Variants in LAMA3 observed in about 807,000 individuals in gnomAD.
LAMA3 encodes the protein laminin subunit alpha 3.
In LAMA3, 281 loss-of-function variants were observed where a neutral mutation model predicts 402.0. The observed-to-expected ratio is 0.70, with a 90% CI of 0.63 to 0.77. LAMA3 has a LOEUF of 0.77. LAMA3 is among the 30% of genes least tolerant of loss of function. The pLI, the probability that LAMA3 is intolerant of heterozygous loss-of-function variation, is 0.00. For synonymous variants in LAMA3, 1,431 were observed against 1,558.4 expected, an observed-to-expected ratio of 0.92 and a Z score of 1.93; for missense variants, 3,840 against 4,215.5, an observed-to-expected ratio of 0.91 and a Z score of 2.47.
chr18:23,692,079 C>G (rs749529763), intron 1 of LAMA3, among the ~76,000 whole-genome samples: 2 of 152,176 alleles, frequency 1.3e-5, no homozygotes, highest in African/African-American at 4.8e-5. Flanking sequence ...AGGGGCCCTT[C>G]GAAGTGAGAG....
rs2080799946 is a variant in LAMA3 at position 23,894,344 on chromosome 18, T to C, written c.5457T>C (p.Cys1819=). ...AAGATAGCAGCCCTGCAGAAGAATG[T>C]GATGGTGAGAAAAGAAAGCCCCTCC... is the stretch of plus-strand genomic sequence containing the variant. ...EPKDSSPAEE[C]DDCDSCVMTL... is the part of the protein sequence containing the mutation. The change falls in exon 43 of 75, where the codon TGT becomes TGC. Residue 1819 remains cysteine, a synonymous_variant. Transcript: ENST00000313654. 2 of 1,613,218 alleles carry C rather than the reference T, an allele frequency of 1.2e-6. No individual in the cohort carries two copies. The highest frequency in any genetic ancestry group is 2.7e-5 in the African/African-American group (2 of 74,900).
At chr18:23,803,258 G>T (rs917969857) in intron 12 of LAMA3, among the ~76,000 whole-genome samples, 2 of 152,182 alleles carry the variant, frequency 1.3e-5, no homozygotes. Context: ...GTAGCCAGCT[G>T]ATTACCCTGG....
intron 2 of LAMA3, among the ~76,000 whole-genome samples, chr18:23,727,309 GAT>G (rs1491086584): frequency 0.074 from 2,254 of 30,272 alleles, 48 homozygotes; most frequent in African/African-American, 0.17. Context: ...GTCCTTGTTT[GAT>G]TGATTGATTG....
chr18:23,832,456 A>T (rs1341762890), intron 23 of LAMA3, among the ~76,000 whole-genome samples: 1 of 152,240 alleles, frequency 6.6e-6, no homozygotes, highest in African/African-American at 2.4e-5. Flanking sequence ...ACCAAATGTG[A>T]ATTTCCTAAG....
intron 1 of LAMA3, chr18:23,709,946 C>T (rs1002037521): frequency 9.7e-6 from 7 of 721,984 alleles, no homozygotes; most frequent in African/African-American, 1.8e-5. Flanking sequence ...TGTCATAGAG[C>T]TTCTTCACAG....
chr18:23,811,882 A>AT (rs201586931), intron 13 of LAMA3, among the ~76,000 whole-genome samples: 4,420 of 150,326 alleles, frequency 0.029, 208 homozygotes, highest in African/African-American at 0.1. Flanking sequence ...ATTTTATTTT[A>AT]TTTTTTTTTG....
intron 8 of LAMA3, among the ~76,000 whole-genome samples, chr18:23,770,003 TAAAG>T (rs1436639911): frequency 2.0e-5 from 3 of 152,112 alleles, no homozygotes; most frequent in Admixed American, 2.0e-4. Flanking sequence ...TTAACACAAA[TAAAG>T]ACATTTCGTA....
rs2081354487 is a variant in LAMA3 at position 23,909,240 on chromosome 18, A to T, written c.7103A>T (p.Asp2368Val). 1 of 1,613,708 alleles carries T rather than the reference A, an allele frequency of 6.2e-7. No individual in the cohort carries two copies. The highest frequency in any genetic ancestry group is 1.3e-5 in the African/African-American group (1 of 74,948). Residue 2368 changes from aspartate to valine, a missense_variant, in exon 55 of 75, where the codon GAC becomes GTC. Around this residue, in one of 3 missense-constraint regions of LAMA3, gnomAD observed 891 missense variants for 857.5 expected, o/e 1.04. Coordinates refer to ENST00000313654, the MANE Select transcript of LAMA3 (RefSeq NM_198129.4). ...QQLLPLGNIS[D>V]NMDRIRELIQ... ...CTGTTGCCCTTGGGAAACATCTCTG[A>T]CAACATGGACAGAATACGAGAACTA...
chr18:23,904,346 G>T (rs963325569), intron 50 of LAMA3, among the ~76,000 whole-genome samples: 3 of 152,154 alleles, frequency 2.0e-5, no homozygotes, highest in Non-Finnish European at 4.4e-5. Context: ...ATGCGAAGAG[G>T]CTGGGCTCAA....
rs745772961 is a variant in LAMA3, at chr18:23,909,312, G to A, written c.7158+17G>A. On this transcript the variant is annotated intron_variant, in intron 55 of 74. Coordinates refer to ENST00000313654, the MANE Select transcript of LAMA3 (RefSeq NM_198129.4). ...GCCAGTAAGGTGAGTGTGTCCCCAC[G>A]TGGTCAGTGGCCAAGGCTAGTTCTT... The A allele has an allele frequency of 1.1e-5, 17 of 1,608,244 alleles. No homozygotes were observed. In the East Asian group the frequency reaches 1.6e-4, roughly 15 times the overall value.
intron 34 of LAMA3, among the ~76,000 whole-genome samples, chr18:23,860,289 G>A (rs1370992627): frequency 6.9e-6 from 1 of 144,742 alleles, no homozygotes; most frequent in Non-Finnish European, 1.5e-5. Context: ...TTGAGACAGG[G>A]TCTCTGTTGC....
chr18:23,869,488 C>A (rs766164128), intron 37 of LAMA3, among the ~76,000 whole-genome samples: 1 of 152,084 alleles, frequency 6.6e-6, no homozygotes, highest in Non-Finnish European at 1.5e-5. Context: ...TGTTTGCATG[C>A]TTCCGTAAAT....
Position 23,915,343 on chromosome 18 carries a change from C to T in LAMA3, c.7699C>T (p.Leu2567Phe). The T allele has an allele frequency of 6.2e-7, 1 of 1,612,858 alleles. No homozygotes were observed. Among genetic ancestry groups the T allele is most frequent in the Non-Finnish European group, 8.5e-7 (1 of 1,178,898 alleles). The change falls in exon 59 of 75, where the codon CTC becomes TTC. Residue 2567 changes from leucine (L) to phenylalanine (F), a missense_variant. Around this residue, in one of 3 missense-constraint regions of LAMA3, gnomAD observed 840 missense variants for 981.9 expected, o/e 0.86. Transcript: ENST00000313654. ...CAAAGGTTGTATTGAATTAGATGACCTCAATGAAAATGTTCTGAGCTTGTA... is the reference window on the plus strand; with the variant it reads ...CAAAGGTTGTATTGAATTAGATGACTTCAATGAAAATGTTCTGAGCTTGTA... ...PYKGCIELDDLNENVLSLYNF... is the reference protein window; with the variant it reads ...PYKGCIELDDFNENVLSLYNF...
chr18:23,738,065 C>T (rs1355194447), intron 2 of LAMA3, among the ~76,000 whole-genome samples: 1 of 151,940 alleles, frequency 6.6e-6, no homozygotes, highest in Non-Finnish European at 1.5e-5. Flanking sequence ...AATCAATCGT[C>T]GGTGGTATAA....
Position 23,783,570 on chromosome 18 carries a change from C to T in LAMA3, c.1469-453C>T, listed in dbSNP as rs542923824. ...GCCTGGCTGTGGGGAAGGCCAGTGC[C>T]GGGAGGATTAAGTGAGATGATCCAA... On this transcript the variant is annotated intron_variant, in intron 11 of 74. Coordinates refer to ENST00000313654, the MANE Select transcript of LAMA3 (RefSeq NM_198129.4). Among the ~76,000 whole-genome samples, 4 of 152,242 alleles carry T rather than the reference C, an allele frequency of 2.6e-5. No individual in the cohort carries two copies. In the South Asian group the frequency reaches 6.2e-4, roughly 24 times the overall value.
In LAMA3 at chr18:23,921,558, G is replaced by A; in HGVS notation, c.8150G>A (p.Gly2717Glu). Residue 2717 changes from glycine to glutamate, a missense_variant, in exon 62 of 75, where the codon GGA becomes GAA. Transcript: ENST00000313654. ...TTTGATTTCAGCACATATTATCTGG[G>A]AGGAATTCCAATTGCAATCAGGGAA... ...EVFDFSTYYLGGIPIAIRERF... is the reference protein window; with the variant it reads ...EVFDFSTYYLEGIPIAIRERF... 1 of 1,613,890 alleles carries A rather than the reference G, an allele frequency of 6.2e-7. No homozygotes were observed. Among genetic ancestry groups the A allele is most frequent in the Non-Finnish European group, 8.5e-7 (1 of 1,179,890 alleles).
intron 70 of LAMA3, among the ~76,000 whole-genome samples, chr18:23,947,691 T>C (rs757806309): frequency 1.3e-5 from 2 of 152,084 alleles, no homozygotes; most frequent in African/African-American, 2.4e-5. Context: ...TTCATAAAAA[T>C]ACATACCATA....
intron 23 of LAMA3, among the ~76,000 whole-genome samples, chr18:23,830,306 C>G (rs1036084560): frequency 6.6e-6 from 1 of 151,804 alleles, no homozygotes; most frequent in Non-Finnish European, 1.5e-5. Context: ...TTATTAAAAT[C>G]CTCCTCTCTC....
At position 23,810,468 on chromosome 18, in the gene LAMA3, GTC is replaced by G. The variant is rs1234174121; in HGVS notation, c.1711_1712del (p.Ser571ArgfsTer4). ...GTTACAGGACAGCGGTGTGACAGGTGTCTCTCAGGAGCTTATGATTTCCCCCA... is the reference window on the plus strand; with the variant it reads ...GTTACAGGACAGCGGTGTGACAGGTGTCTCAGGAGCTTATGATTTCCCCCA... On this transcript the variant is annotated frameshift_variant, in exon 13 of 75. Transcript: ENST00000313654. LOFTEE classifies it high-confidence loss of function. The G allele has an allele frequency of 6.2e-7, 1 of 1,614,036 alleles. No homozygotes were observed. The highest frequency in any genetic ancestry group is 1.3e-5 in the African/African-American group (1 of 74,914).
Sources: gnomAD v4.1 joint callset for allele counts (sites outside exome capture counted in the v4.1 genomes callset) on GRCh38, gnomAD v4.1.1 for gene constraint, gnomAD v4.1.1 regional missense constraint, MANE v1.5 for transcripts, NCBI Gene and HGNC (gene_info 2026-07-23, HGNC 2026-07-21) for gene names.